CSMD1: variants seen among roughly 807,000 people sequenced by gnomAD.
CSMD1 encodes CUB and Sushi multiple domains 1.
In CSMD1, 213 loss-of-function variants were observed where a neutral mutation model predicts 417.5. The observed-to-expected ratio is 0.51, with a 90% CI of 0.46 to 0.57. The LOEUF (loss-of-function observed/expected upper bound fraction) is 0.57, where lower values mean the gene tolerates loss of function less well. Among genes scored for constraint, CSMD1 ranks in the 20% least tolerant of loss-of-function variants. The pLI is 0.00. For missense variants in CSMD1, 6,923 were observed against 4,529.7 expected, an observed-to-expected ratio of 1.53 and a Z score of -15.17; for synonymous variants, 2,862 against 1,736.8, an observed-to-expected ratio of 1.65 and a Z score of -16.11.
intron 32 of CSMD1, among the ~76,000 whole-genome samples, chr8:3,201,311 A>T (rs1408098106): frequency 6.6e-6 from 1 of 152,196 alleles, no homozygotes. Flanking sequence ...GGGATACAAA[A>T]TTAAACACAG....
intron 3 of CSMD1, among the ~76,000 whole-genome samples, chr8:4,363,477 CT>C (rs907490751): frequency 3.9e-5 from 6 of 152,174 alleles, no homozygotes; most frequent in African/African-American, 1.2e-4. Context: ...CCACCACCCC[CT>C]CTCTGGAGGA....
At chr8:4,695,970 C>A (rs1807101129) in intron 1 of CSMD1, among the ~76,000 whole-genome samples, 1 of 152,078 alleles carries the variant, frequency 6.6e-6, no homozygotes, top group Non-Finnish European at 1.5e-5. Flanking sequence ...GACTTGGGTT[C>A]CGGAGGGAGA....
rs73661105 is a variant in CSMD1 at position 4,740,032 on chromosome 8, G to A, written c.86-102474C>T. The stretch of plus-strand genomic sequence containing the variant: ...CACCCTGAGCTTCAGCATCCTGGCA[G>A]AGGAATGCCACAGCTCTGGGAATGA... On this transcript the variant is annotated intron_variant, in intron 1 of 69. Transcript: ENST00000635120. Among the ~76,000 whole-genome samples, 1,507 of 152,194 alleles carry A rather than the reference G, an allele frequency of 9.9e-3. 26 individuals carry two copies. The highest frequency in any genetic ancestry group is 0.035 in the African/African-American group (1,456 of 41,510).
At chr8:4,717,883 C>T (rs544286464) in intron 1 of CSMD1, among the ~76,000 whole-genome samples, 12 of 152,220 alleles carry the variant, frequency 7.9e-5, no homozygotes, top group Admixed American at 4.6e-4. Context: ...ATTAAATTAT[C>T]TAAAAATAAA....
At chr8:3,001,983 TC>T (rs772028053) in intron 52 of CSMD1, among the ~76,000 whole-genome samples, 3 of 152,184 alleles carry the variant, frequency 2.0e-5, no homozygotes, top group East Asian at 1.9e-4. Context: ...AAACTTATTA[TC>T]AGGAAGGTAA....
intron 2 of CSMD1, among the ~76,000 whole-genome samples, chr8:4,588,370 GAGACAGAGATAAAGAACTATCTCATAA>G (rs200973816): frequency 0.36 from 52,377 of 147,164 alleles, 9,655 homozygotes; most frequent in South Asian, 0.41. Context: ...ATGCTATCTA[GAGACAGAGATAAAGAACTATCTCATAA>G]AGACAGAGAT....
intron 23 of CSMD1, among the ~76,000 whole-genome samples, chr8:3,328,740 AAG>A (rs1451983257): frequency 6.6e-6 from 1 of 152,250 alleles, no homozygotes; most frequent in African/African-American, 2.4e-5. Context: ...ATAAAAAACA[AAG>A]AGAAAAATCT....
At chr8:4,007,066 C>G (rs1816183775) in intron 4 of CSMD1, among the ~76,000 whole-genome samples, 1 of 151,976 alleles carries the variant, frequency 6.6e-6, no homozygotes, top group Non-Finnish European at 1.5e-5. Context: ...TCTCGATCTC[C>G]TCACTTCGTG....
At chr8:4,154,830 A>C (rs1447419767) in intron 3 of CSMD1, among the ~76,000 whole-genome samples, 1 of 152,196 alleles carries the variant, frequency 6.6e-6, no homozygotes, top group Non-Finnish European at 1.5e-5. Context: ...CACGATTATA[A>C]ATTAGTGAAA....
intron 3 of CSMD1, among the ~76,000 whole-genome samples, chr8:4,214,187 G>A (rs952423865): frequency 5.9e-5 from 9 of 152,062 alleles, no homozygotes; most frequent in Non-Finnish European, 8.8e-5. Context: ...TCTTTACATA[G>A]GATACGGCTC....
intron 1 of CSMD1, among the ~76,000 whole-genome samples, chr8:4,859,940 G>A (rs1188681715): frequency 6.6e-6 from 1 of 152,032 alleles, no homozygotes; most frequent in East Asian, 1.9e-4. Flanking sequence ...AAATCATGCT[G>A]CTATAAAGAC....
At chr8:3,293,230 C>T (rs545745283) in intron 25 of CSMD1, among the ~76,000 whole-genome samples, 7 of 152,200 alleles carry the variant, frequency 4.6e-5, no homozygotes, top group South Asian at 2.1e-4. Flanking sequence ...TGTGGGTAAC[C>T]GGACCTTTCT....
At chr8:4,949,994 C>G (rs1311957856) in intron 1 of CSMD1, among the ~76,000 whole-genome samples, 2 of 151,994 alleles carry the variant, frequency 1.3e-5, no homozygotes, top group Non-Finnish European at 1.5e-5. Context: ...TCTAATTGGT[C>G]ACGACTATTG....
intron 7 of CSMD1, among the ~76,000 whole-genome samples, chr8:3,697,108 T>A (rs544719875): frequency 1.3e-5 from 2 of 152,156 alleles, no homozygotes; most frequent in Non-Finnish European, 2.9e-5. Flanking sequence ...TATTGCTAGG[T>A]CATCAATAAT....
chr8:3,502,226 A>C (rs1391120824), intron 10 of CSMD1, among the ~76,000 whole-genome samples: 1 of 151,896 alleles, frequency 6.6e-6, no homozygotes, highest in Non-Finnish European at 1.5e-5. Flanking sequence ...TTAGCCGGGC[A>C]TGGTGGTGGG....
intron 10 of CSMD1, among the ~76,000 whole-genome samples, chr8:3,509,101 C>A (rs540721473): frequency 2.0e-5 from 3 of 152,102 alleles, no homozygotes; most frequent in East Asian, 1.9e-4. Flanking sequence ...AAAATTAATG[C>A]GTGCTCAGTA....
intron 26 of CSMD1, among the ~76,000 whole-genome samples, chr8:3,244,030 T>G (rs955047163): frequency 1.3e-5 from 2 of 152,186 alleles, no homozygotes; most frequent in South Asian, 4.1e-4. Flanking sequence ...GATAAAATGC[T>G]TCTCACATCT....
chr8:3,259,113 A>T (rs1800869069), intron 26 of CSMD1, among the ~76,000 whole-genome samples: 1 of 152,244 alleles, frequency 6.6e-6, no homozygotes, highest in Non-Finnish European at 1.5e-5. Flanking sequence ...AGCTTTTATG[A>T]CAAGACAAAT....
chr8:3,038,947 C>T (rs1292461226), intron 50 of CSMD1, among the ~76,000 whole-genome samples: 1 of 152,088 alleles, frequency 6.6e-6, no homozygotes, highest in Non-Finnish European at 1.5e-5. Flanking sequence ...GAGCTGGTGA[C>T]TATATAGATT....
Sources: gnomAD v4.1 joint callset for allele counts (sites outside exome capture counted in the v4.1 genomes callset) on GRCh38, gnomAD v4.1.1 for gene constraint, MANE v1.5 for transcripts, NCBI Gene and HGNC (gene_info 2026-07-23, HGNC 2026-07-21) for gene names.